Variants in ITGB1BP1 observed in about 807,000 individuals in gnomAD.
The protein encoded by ITGB1BP1 is integrin subunit beta 1 binding protein 1.
A neutral mutation model predicts 28.0 loss-of-function variants in ITGB1BP1; 20 were observed. The ratio of observed to expected loss-of-function variants is 0.71; its 90% CI spans 0.50 to 1.04. The LOEUF (loss-of-function observed/expected upper bound fraction) is 1.04. ITGB1BP1 is among the 50% of genes least tolerant of loss of function. The pLI, the probability that ITGB1BP1 is intolerant of heterozygous loss-of-function variation, is 0.00. For missense variants in ITGB1BP1, 228 were observed against 242.5 expected, an observed-to-expected ratio of 0.94 and a Z score of 0.40; for synonymous variants, 103 against 89.5, an observed-to-expected ratio of 1.15 and a Z score of -0.85.
intron 4 of ITGB1BP1, among the ~76,000 whole-genome samples, chr2:9,409,027 G>A (rs757526554): frequency 9.2e-5 from 14 of 152,344 alleles, no homozygotes; most frequent in Admixed American, 2.0e-4. Flanking sequence ...GTGATGCCAC[G>A]CCTCAGGGCT....
At position 9,414,318 on chromosome 2, in the gene ITGB1BP1, C is replaced by T. The variant is rs1373144112; in HGVS notation, c.73-62G>A. ...AAGCAGCCCTGTCTTCTCTAAAGTC[C>T]TCTAACCCATTCACATCATTTATTA... is the stretch of plus-strand genomic sequence containing the variant. On this transcript the variant is annotated intron_variant, in intron 2 of 6. Coordinates refer to ENST00000355346, the MANE Select transcript of ITGB1BP1 (RefSeq NM_004763.5). The T allele has an allele frequency of 2.4e-6, 3 of 1,237,640 alleles. No homozygotes were observed. The African/African-American group carries it at 4.5e-5, about 19-fold the overall frequency. 76.7% of individuals were successfully genotyped at this position (1,237,640 alleles called of 1,614,324 possible). A position where few individuals can be genotyped will look rare whatever the true frequency, so the allele number is the denominator to read the frequency against.
rs778623007 is a variant in ITGB1BP1, at chr2:9,418,719, C to T, written c.-22G>A. 3.1e-6 allele frequency: 5 copies of T among 1,612,330 alleles called. No individual in the cohort carries two copies. Among genetic ancestry groups the T allele is most frequent in the Non-Finnish European group, 4.2e-6 (5 of 1,178,772 alleles). On this transcript the variant is annotated 5_prime_UTR_variant, in exon 2 of 7. An upstream open reading frame in the 5' UTR gains an earlier in-frame stop. Coordinates refer to ENST00000355346, the MANE Select transcript of ITGB1BP1 (RefSeq NM_004763.5). Reference sequence around the variant, plus strand: ...ACATTTTTCACCACCATTGCTTGATCCAGAGAAGATCCCCTGAAAAAACAA... The same window carrying T: ...ACATTTTTCACCACCATTGCTTGATTCAGAGAAGATCCCCTGAAAAAACAA...
At chr2:9,411,910 C>T (rs1192381804) in intron 4 of ITGB1BP1, among the ~76,000 whole-genome samples, 3 of 151,672 alleles carry the variant, frequency 2.0e-5, no homozygotes, top group African/African-American at 7.3e-5. Context: ...GGCATGGTGG[C>T]GGGCGCCTGT....
In ITGB1BP1 at chr2:9,407,535, C is replaced by T. The variant is rs1677672344; in HGVS notation, c.445G>A (p.Gly149Arg). ...IRMVCYDDGL[G>R]AGKSLLALKT... ...AGAGCCAGTAAGCTTTTTCCCGCCCCCAGACCGTCATCGTAACACACCATC... is the reference window on the plus strand; with the variant it reads ...AGAGCCAGTAAGCTTTTTCCCGCCCTCAGACCGTCATCGTAACACACCATC... Residue 149 changes from glycine (G) to arginine (R), a missense_variant, in exon 6 of 7, where the codon GGG (glycine) becomes AGG (arginine). By Grantham distance (125) the Gly-to-Arg change is moderately radical (BLOSUM62 -2). Around this residue, in one of 2 missense-constraint regions of ITGB1BP1, gnomAD observed 192 missense variants for 181.6 expected, o/e 1.06. Transcript: ENST00000355346. The T allele has an allele frequency of 1.2e-6, 2 of 1,614,150 alleles. No homozygotes were observed. Among genetic ancestry groups the T allele is most frequent in the Non-Finnish European group, 1.7e-6 (2 of 1,180,030 alleles).
In ITGB1BP1 at chr2:9,406,228, C is replaced by A. The variant is rs28556889; in HGVS notation, c.*606G>T. 5.0e-3 allele frequency: 119 copies of A among 24,034 alleles called. No homozygotes were observed. Among genetic ancestry groups the A allele is most frequent in the African/African-American group, 0.031 (81 of 2,620 alleles). 1.5% of individuals were successfully genotyped at this position (24,034 alleles called of 1,614,324 possible). ...CACTGAGTGGACCTCTGTGACATCTCGTCTTCCTCAGGCCTTCAGTGTGTG... is the reference window on the plus strand; with the variant it reads ...CACTGAGTGGACCTCTGTGACATCTAGTCTTCCTCAGGCCTTCAGTGTGTG... On this transcript the variant is annotated 3_prime_UTR_variant, in exon 7 of 7. Coordinates refer to ENST00000355346, the MANE Select transcript of ITGB1BP1 (RefSeq NM_004763.5).
rs986201693 is a variant in ITGB1BP1 at position 9,403,937 on chromosome 2, G to C, written c.*2897C>G. 1 of 152,320 alleles carries C rather than the reference G, an allele frequency of 6.6e-6. No individual in the cohort carries two copies. The highest frequency in any genetic ancestry group is 2.4e-5 in the African/African-American group (1 of 41,410). 9.4% of individuals were successfully genotyped at this position (152,320 alleles called of 1,614,324 possible). On this transcript the variant is annotated 3_prime_UTR_variant, in exon 7 of 7. Coordinates refer to ENST00000355346, the MANE Select transcript of ITGB1BP1 (RefSeq NM_004763.5). ...TCTGCATGTATGTATAACCTGTTGT[G>C]AACAATCATACTTAACAAAACTACT...
chr2:9,404,846 TC>T lies in ITGB1BP1; in HGVS notation c.*1987del, dbSNP rs1677078510. The T allele has an allele frequency of 6.6e-6, 1 of 152,584 alleles. No homozygotes were observed. Among genetic ancestry groups the T allele is most frequent in the Non-Finnish European group, 1.5e-5 (1 of 68,034 alleles). 9.5% of individuals were successfully genotyped at this position (152,584 alleles called of 1,614,324 possible). A position where few individuals can be genotyped will look rare whatever the true frequency, so the allele number is the denominator to read the frequency against. ...GCAATCGCTTTTTACCTTTCAAAGT[TC>T]CGGGTAAAAATGTGTTATATCTGTA... On this transcript the variant is annotated 3_prime_UTR_variant, in exon 7 of 7. Coordinates refer to ENST00000355346, the MANE Select transcript of ITGB1BP1 (RefSeq NM_004763.5).
intron 2 of ITGB1BP1, among the ~76,000 whole-genome samples, chr2:9,414,845 C>T (rs1678912341): frequency 6.6e-6 from 1 of 152,186 alleles, no homozygotes; most frequent in Non-Finnish European, 1.5e-5. Flanking sequence ...ACAGAGCAGA[C>T]TATCATGTGA....
chr2:9,406,761 A>G lies in ITGB1BP1; in HGVS notation c.*73T>C, dbSNP rs1288958301. On this transcript the variant is annotated 3_prime_UTR_variant, in exon 7 of 7. Transcript: ENST00000355346. ...AGCAAGGGATAACTTCATTATTTGC[A>G]TAACATTTCAGCATTGCAGTTTGAA... 3.1e-6 allele frequency: 3 copies of G among 979,944 alleles called. No individual in the cohort carries two copies. The highest frequency in any genetic ancestry group is 1.7e-5 in the Admixed American group (1 of 58,848). 60.7% of individuals were successfully genotyped at this position (979,944 alleles called of 1,614,324 possible). A position where few individuals can be genotyped will look rare whatever the true frequency, so the allele number is the denominator to read the frequency against.
At chr2:9,409,501 T>C (rs1487040293) in intron 4 of ITGB1BP1, among the ~76,000 whole-genome samples, 3 of 152,190 alleles carry the variant, frequency 2.0e-5, no homozygotes, top group Non-Finnish European at 4.4e-5. Flanking sequence ...AATGCTAGTG[T>C]ATTTTTGAGG....
chr2:9,407,147 G>C, intron 6 of ITGB1BP1: 1 of 601,922 alleles, frequency 1.7e-6, no homozygotes, highest in South Asian at 2.1e-5. Flanking sequence ...CGCAGTCTAG[G>C]AGGGCAACAA....
chr2:9,423,384 G>T lies in ITGB1BP1; in HGVS notation c.-47C>A. ...GGCTGGGCGCTCACCTCGCAGCCGC[G>T]GGCCCATCCCCGGGTTGCGGACTTC... On this transcript the variant is annotated 5_prime_UTR_variant, in exon 1 of 7. Transcript: ENST00000355346. 8.7e-7 allele frequency: 1 copy of T among 1,144,576 alleles called. No individual in the cohort carries two copies. Among genetic ancestry groups the T allele is most frequent in the Non-Finnish European group, 1.1e-6 (1 of 920,246 alleles). The allele number at this position is 1,144,576 out of a possible 1,614,324, so 70.9% of individuals were successfully genotyped here.
intron 4 of ITGB1BP1, among the ~76,000 whole-genome samples, chr2:9,410,321 TC>T (rs1310857928): frequency 1.3e-5 from 2 of 152,130 alleles, no homozygotes; most frequent in African/African-American, 4.8e-5. Context: ...AACTTTGACT[TC>T]CTGGGCTCAA....
chr2:9,418,776 C>CTT (rs35904811), intron 1 of ITGB1BP1, 44 bp from the exon 2 acceptor site: 13,282 of 942,374 alleles, frequency 0.014, 1 homozygote, highest in Non-Finnish European at 0.017. Flanking sequence ...GGAAAAGCAA[C>CTT]TTTTTTTTTT....
At chr2:9,422,531 T>C in intron 1 of ITGB1BP1, 3 of 985,452 alleles carry the variant, frequency 3.0e-6, no homozygotes, top group South Asian at 9.4e-5. Context: ...AAGGCTGGGG[T>C]AAGGGACCCA....
rs1238239613 is a variant in ITGB1BP1 at position 9,406,907 on chromosome 2, T to C, written c.532-2A>G. ...CTTGCAAATGGCTTGTGCTTGTTCC[T>C]ACATTACATGAAAGATAGAGTAAGA... On this transcript the variant is annotated splice_acceptor_variant, in intron 6 of 6. Coordinates refer to ENST00000355346, the MANE Select transcript of ITGB1BP1 (RefSeq NM_004763.5). LOFTEE classifies it high-confidence loss of function. The C allele has an allele frequency of 1.2e-6, 2 of 1,607,160 alleles. No homozygotes were observed. Among genetic ancestry groups the C allele is most frequent in the Non-Finnish European group, 8.5e-7 (1 of 1,173,638 alleles).
At chr2:9,420,034 C>G (rs1679607609) in intron 1 of ITGB1BP1, 4 of 983,338 alleles carry the variant, frequency 4.1e-6, no homozygotes, top group Non-Finnish European at 4.8e-6. Context: ...GTCCCACATA[C>G]AGCGGTCTGC....
intron 3 of ITGB1BP1, 45 bp downstream of exon 3, chr2:9,414,133 T>C (rs753984895): frequency 6.7e-7 from 1 of 1,497,526 alleles, no homozygotes; most frequent in South Asian, 1.1e-5. Context: ...CACGTGAACA[T>C]CAATGAAAAG....
At chr2:9,419,844 G>C (rs1679583242) in intron 1 of ITGB1BP1, 1 of 154,114 alleles carries the variant, frequency 6.5e-6, no homozygotes, top group Admixed American at 6.5e-5. Context: ...TCTCCCTCAA[G>C]GGGCTCACAG....
Sources: allele counts gnomAD v4.1 joint callset (sites outside exome capture counted in the v4.1 genomes callset), GRCh38; gene constraint gnomAD v4.1.1; regional missense constraint gnomAD v4.1.1; transcripts MANE v1.5; gene names NCBI Gene and HGNC (gene_info 2026-07-23, HGNC 2026-07-21).